IQCH: variants seen among roughly 807,000 people sequenced by gnomAD.
The protein encoded by IQCH is IQ motif containing H, also known as IQ domain-containing protein H.
IQCH carries 98 observed loss-of-function variants against 117.0 expected under a neutral mutation model. The observed-to-expected ratio is 0.84, with a 90% CI of 0.71 to 0.99. The LOEUF (loss-of-function observed/expected upper bound fraction) is 0.99, where lower values mean the gene tolerates loss of function less well. IQCH is among the 50% of genes least tolerant of loss of function. The pLI is 0.00. For missense variants in IQCH, 1,102 were observed against 1,243.8 expected (o/e 0.89, Z 1.72); for synonymous variants, 412 against 448.2 (o/e 0.92, Z 1.02).
chr15:67,299,713 T>G (rs1387533094), intron 4 of IQCH, among the ~76,000 whole-genome samples: 1 of 152,198 alleles, frequency 6.6e-6, no homozygotes, highest in Non-Finnish European at 1.5e-5. Context: ...TACATGTTCC[T>G]GTCTCCCTAG....
Position 67,457,361 on chromosome 15 carries a change from GA to G in IQCH, c.2506-7760del, listed in dbSNP as rs990362633. ...CTGGAGATTCAGTGATCCAAGTGGG[GA>G]AAAAATATGTCATTTAGTAACTGCC... On this transcript the variant is annotated intron_variant, in intron 16 of 20. Coordinates refer to ENST00000335894, the MANE Select transcript of IQCH (RefSeq NM_001031715.3). This position sits in a 1 kb window ranked among gnomAD's most constrained non-coding sequence, Gnocchi z 5.7. Among the ~76,000 whole-genome samples the G allele has an allele frequency of 1.2e-4, 19 of 152,262 alleles. No homozygotes were observed. The highest frequency in any genetic ancestry group is 4.3e-4 in the African/African-American group (18 of 41,574).
At position 67,459,082 on chromosome 15, in the gene IQCH, G is replaced by A. The variant is rs947166789; in HGVS notation, c.2506-6045G>A. Among the ~76,000 whole-genome samples, 1 of 152,216 alleles carries A rather than the reference G, an allele frequency of 6.6e-6. No individual in the cohort carries two copies. Among genetic ancestry groups the A allele is most frequent in the African/African-American group, 2.4e-5 (1 of 41,460 alleles). ...GTGAGTGATTAGTTAAGGAAAGTGT[G>A]GCCCGGAGAGGCAACTTCTTTTGGG... On this transcript the variant is annotated intron_variant, in intron 16 of 20. Transcript: ENST00000335894. This position sits in a 1 kb window ranked among gnomAD's most constrained non-coding sequence, Gnocchi z 4.2.
At chr15:67,300,693 T>C (rs1261128732) in intron 4 of IQCH, among the ~76,000 whole-genome samples, 1 of 152,168 alleles carries the variant, frequency 6.6e-6, no homozygotes, top group Non-Finnish European at 1.5e-5. Context: ...TTTTGATTAC[T>C]CTGTGTGGGA....
intron 14 of IQCH, among the ~76,000 whole-genome samples, chr15:67,412,867 C>T (rs1241147095): frequency 1.3e-5 from 2 of 152,214 alleles, no homozygotes; most frequent in African/African-American, 4.8e-5. Flanking sequence ...TTGAAGCTCA[C>T]TGAGTGATCT....
At chr15:67,415,706 G>C (rs2081559478) in intron 14 of IQCH, among the ~76,000 whole-genome samples, 1 of 152,062 alleles carries the variant, frequency 6.6e-6, no homozygotes, top group Non-Finnish European at 1.5e-5. Flanking sequence ...CCCCAAAGCT[G>C]ATCCCTTCAA....
At chr15:67,485,656 C>CT (rs1017448992) in intron 18 of IQCH, among the ~76,000 whole-genome samples, 12 of 151,574 alleles carry the variant, frequency 7.9e-5, no homozygotes, top group Admixed American at 2.6e-4. Flanking sequence ...AATAGAAAAT[C>CT]TTTTTTTTTA....
Position 67,357,371 on chromosome 15 carries a change from C to T in IQCH, c.664C>T (p.Pro222Ser), listed in dbSNP as rs377534345. Residue 222 changes from proline (P) to serine (S), a missense_variant, in exon 7 of 21, where the codon CCT becomes TCT. This residue lies in a region of IQCH where 452 missense variants were observed against 449.6 expected (regional missense o/e 1.01). Coordinates refer to ENST00000335894, the MANE Select transcript of IQCH (RefSeq NM_001031715.3). The stretch of plus-strand genomic sequence containing the variant: ...CACTTTCACTATACCTCGGGAACCA[C>T]CTCCATCTCCAGCAGAAGTGAAGTT... ...VATFTIPREP[P>S]PSPAEVKFFP... is the part of the protein sequence containing the mutation. The T allele has an allele frequency of 2.5e-6, 4 of 1,611,084 alleles. No homozygotes were observed. Among genetic ancestry groups the T allele is most frequent in the African/African-American group, 1.3e-5 (1 of 74,980 alleles).
chr15:67,303,187 G>A (rs893018681), intron 4 of IQCH, among the ~76,000 whole-genome samples: 1 of 152,080 alleles, frequency 6.6e-6, no homozygotes, highest in South Asian at 2.1e-4. Context: ...AAAAAGTTGC[G>A]AAGCCTACAT....
chr15:67,434,863 T>C (rs1424542322), intron 16 of IQCH, among the ~76,000 whole-genome samples: 1 of 150,200 alleles, frequency 6.7e-6, no homozygotes, highest in African/African-American at 2.4e-5. Flanking sequence ...CTGCAACCTC[T>C]GCCTCTAGGG....
intron 4 of IQCH, among the ~76,000 whole-genome samples, chr15:67,309,995 T>C (rs1293153602): frequency 3.3e-5 from 5 of 151,590 alleles, no homozygotes; most frequent in African/African-American, 1.2e-4. Context: ...CTTACCTTCC[T>C]GAAAAATGAA....
At chr15:67,492,365 G>A (rs1281082314) in intron 19 of IQCH, among the ~76,000 whole-genome samples, 1 of 152,150 alleles carries the variant, frequency 6.6e-6, no homozygotes, top group Non-Finnish European at 1.5e-5. Context: ...GACACGACTG[G>A]AACCAGACAA....
rs560920875 is a variant in IQCH, at chr15:67,389,874, A to C, written c.1632+868A>C. ...ACTTCAGATGTACCATGATTTGACC[A>C]AAAAAAAAAAAAAATGGGGGTGGGG... On this transcript the variant is annotated intron_variant, in intron 12 of 20. Transcript: ENST00000335894. 2.3e-3 allele frequency among the ~76,000 whole-genome samples: 321 copies of C among 139,174 alleles called. 2 individuals are homozygous for C. The highest frequency in any genetic ancestry group is 8.1e-3 in the African/African-American group (309 of 38,192). 91.3% of individuals were successfully genotyped at this position (139,174 alleles called of 152,430 possible). A position where few individuals can be genotyped will look rare whatever the true frequency, so the allele number is the denominator to read the frequency against.
chr15:67,400,326 T>TA, intron 14 of IQCH, 21 bp downstream of exon 14: 1 of 1,585,014 alleles, frequency 6.3e-7, no homozygotes, highest in South Asian at 1.1e-5. Flanking sequence ...AATGGTGACT[T>TA]AAACCCGCAG....
chr15:67,270,686 T>C (rs1430801552), intron 3 of IQCH, among the ~76,000 whole-genome samples: 2 of 152,288 alleles, frequency 1.3e-5, no homozygotes, highest in Middle Eastern at 3.4e-3. Context: ...CCCCTTACCT[T>C]CTACCATGAA....
rs2082853988 is a variant in IQCH, at chr15:67,463,562, T to C, written c.2506-1565T>C. Among the ~76,000 whole-genome samples the C allele has an allele frequency of 6.6e-6, 1 of 152,202 alleles. No individual in the cohort carries two copies. The highest frequency in any genetic ancestry group is 2.1e-4 in the South Asian group (1 of 4,830). ...AACCTCAGTTTCTTCATCTGTGACA[T>C]GGGGTTGTTATTTTTTAGGCTACCA... On this transcript the variant is annotated intron_variant, in intron 16 of 20. Transcript: ENST00000335894. This position sits in a 1 kb window ranked among gnomAD's most constrained non-coding sequence, Gnocchi z 4.0.
intron 10 of IQCH, among the ~76,000 whole-genome samples, chr15:67,380,160 C>G (rs1042891792): frequency 1.3e-5 from 2 of 152,112 alleles, no homozygotes; most frequent in Admixed American, 6.5e-5. Flanking sequence ...CCAGGTAGTT[C>G]TTTATAGCAG....
intron 16 of IQCH, among the ~76,000 whole-genome samples, chr15:67,444,300 T>G (rs1020172466): frequency 2.6e-5 from 4 of 152,324 alleles, no homozygotes; most frequent in South Asian, 4.1e-4. Context: ...TTTTAAACTT[T>G]AAGAGTTTAA....
chr15:67,279,833 T>A (rs964670405), intron 4 of IQCH, among the ~76,000 whole-genome samples: 6 of 152,136 alleles, frequency 3.9e-5, no homozygotes, highest in Admixed American at 1.3e-4. Context: ...AAACCCCGTC[T>A]CTACTAAAAA....
At chr15:67,267,795 C>T (rs751796986) in intron 3 of IQCH, among the ~76,000 whole-genome samples, 1 of 152,134 alleles carries the variant, frequency 6.6e-6, no homozygotes, top group African/African-American at 2.4e-5. Flanking sequence ...TCTATGGAAA[C>T]CCAGGAAATA....
Sources: allele counts gnomAD v4.1 joint callset (sites outside exome capture counted in the v4.1 genomes callset), GRCh38; gene constraint gnomAD v4.1.1; regional missense constraint gnomAD v4.1.1; non-coding constraint Gnocchi (gnomAD v3.1); transcripts MANE v1.5; gene names NCBI Gene and HGNC (gene_info 2026-07-23, HGNC 2026-07-21).